The following FGGY variants were observed in gnomAD, a reference collection of about 807,000 sequenced individuals.
FGGY encodes FGGY carbohydrate kinase domain-containing protein.
In FGGY, 72 loss-of-function variants were observed where a neutral mutation model predicts 71.3. That is an observed-to-expected ratio of 1.01 (90% CI 0.84 to 1.23). The LOEUF is 1.23. FGGY is among the 50% of genes most tolerant of loss of function. The probability of loss-of-function intolerance (pLI) is 0.00; values close to 1 mark genes in which losing one functional copy is unlikely to be tolerated. For synonymous variants in FGGY, 251 were observed against 250.3 expected, an observed-to-expected ratio of 1.00 and a Z score of -0.02; for missense variants, 668 against 682.3, an observed-to-expected ratio of 0.98 and a Z score of 0.23.
chr1:59,578,296 C>G (rs2096120817), intron 8 of FGGY, among the ~76,000 whole-genome samples: 2 of 152,096 alleles, frequency 1.3e-5, no homozygotes, highest in Non-Finnish European at 2.9e-5. Flanking sequence ...TGTGGGCAGA[C>G]CACTGGACGG....
chr1:59,323,730 A>G (rs1165906255), intron 2 of FGGY, among the ~76,000 whole-genome samples: 1 of 152,226 alleles, frequency 6.6e-6, no homozygotes, highest in Non-Finnish European at 1.5e-5. Flanking sequence ...AAATGACATT[A>G]GTACCTACTT....
chr1:59,591,775 T>A (rs2096444932), intron 8 of FGGY, among the ~76,000 whole-genome samples: 1 of 152,190 alleles, frequency 6.6e-6, no homozygotes, highest in East Asian at 1.9e-4. Flanking sequence ...TTACACCTTA[T>A]ACAAAAGTTA....
At chr1:59,727,291 A>G (rs992461806) in intron 14 of FGGY, among the ~76,000 whole-genome samples, 3 of 152,176 alleles carry the variant, frequency 2.0e-5, no homozygotes, top group African/African-American at 7.2e-5. Context: ...CCAGTCCACC[A>G]TTGATGAACA....
At chr1:59,509,868 TA>T (rs988855652) in intron 6 of FGGY, among the ~76,000 whole-genome samples, 299 of 152,304 alleles carry the variant, frequency 2.0e-3, no homozygotes, top group African/African-American at 6.7e-3. Context: ...CCCACCCTGC[TA>T]ATCCTGTCTA....
intron 14 of FGGY, among the ~76,000 whole-genome samples, chr1:59,708,157 C>T (rs1189801749): frequency 6.6e-6 from 1 of 152,156 alleles, no homozygotes; most frequent in East Asian, 1.9e-4. Context: ...AGTCTTTGGG[C>T]TTCTCTAAAG....
At chr1:59,533,720 C>T (rs549510845) in intron 7 of FGGY, among the ~76,000 whole-genome samples, 10 of 151,884 alleles carry the variant, frequency 6.6e-5, no homozygotes, top group African/African-American at 2.2e-4. Flanking sequence ...CTGAGAGGCA[C>T]CCCCCAGCAG....
chr1:59,595,989 C>T (rs1041513603), intron 8 of FGGY, among the ~76,000 whole-genome samples: 9 of 152,102 alleles, frequency 5.9e-5, no homozygotes, highest in African/African-American at 1.9e-4. Context: ...GCCATCATTT[C>T]ATTTGTTTCT....
At chr1:59,400,784 A>C (rs1571644446) in intron 5 of FGGY, among the ~76,000 whole-genome samples, 1 of 151,474 alleles carries the variant, frequency 6.6e-6, no homozygotes. Context: ...TTTATTTTTT[A>C]TTTTTGAGAT....
intron 14 of FGGY, among the ~76,000 whole-genome samples, chr1:59,714,827 A>G (rs148294937): frequency 4.1e-4 from 63 of 152,242 alleles, no homozygotes; most frequent in African/African-American, 1.4e-3. Flanking sequence ...AGCATGAGTT[A>G]TTTTTCCTTT....
rs780674255 is a variant in FGGY, at chr1:59,321,662, A to G, written c.113A>G (p.Asp38Gly). 13 of 1,613,280 alleles carry G rather than the reference A, an allele frequency of 8.1e-6. No individual in the cohort carries two copies. Among genetic ancestry groups the G allele is most frequent in the East Asian group, 4.5e-5 (2 of 44,854 alleles). Reference sequence around the variant, plus strand: ...AGTGGGGTCCTGTTGGCTTTTGCAGACCAGCCAATTAAGAATTGGGAGCCC... The same window carrying G: ...AGTGGGGTCCTGTTGGCTTTTGCAGGCCAGCCAATTAAGAATTGGGAGCCC... ...DQSGVLLAFA[D>G]QPIKNWEPQF... Residue 38 changes from aspartate (D) to glycine (G), a missense_variant, in exon 2 of 16, where the codon GAC becomes GGC. Coordinates refer to ENST00000303721, the MANE Select transcript of FGGY (RefSeq NM_018291.5).
At chr1:59,365,744 T>C (rs568479871) in intron 4 of FGGY, among the ~76,000 whole-genome samples, 15 of 152,338 alleles carry the variant, frequency 9.8e-5, no homozygotes, top group East Asian at 1.9e-4. Flanking sequence ...TGAAGAATTA[T>C]ACAGGTCAGA....
At chr1:59,410,561 A>G (rs1254723036) in intron 5 of FGGY, among the ~76,000 whole-genome samples, 1 of 152,178 alleles carries the variant, frequency 6.6e-6, no homozygotes, top group South Asian at 2.1e-4. Context: ...TGATGATGGT[A>G]TAGGGATAGG....
chr1:59,532,124 T>C lies in FGGY; in HGVS notation c.799+19685T>C, dbSNP rs1403917220. Among the ~76,000 whole-genome samples, 11 of 152,296 alleles carry C rather than the reference T, an allele frequency of 7.2e-5. 1 individual carries two copies. In the South Asian group the frequency reaches 2.3e-3, roughly 32 times the overall value. On this transcript the variant is annotated intron_variant, in intron 7 of 15. Transcript: ENST00000303721. ...TGTGATTAATATGGTCAACAAATTA[T>C]AGGAGAAGATGGAGAATTCAGCAGA...
intron 10 of FGGY, among the ~76,000 whole-genome samples, chr1:59,634,435 T>TAG (rs2096937029): frequency 6.6e-6 from 1 of 152,000 alleles, no homozygotes; most frequent in South Asian, 2.1e-4. Context: ...AGTAAGGAAC[T>TAG]AGAGACAGGC....
intron 5 of FGGY, among the ~76,000 whole-genome samples, chr1:59,451,372 T>G (rs573733243): frequency 8.8e-6 from 1 of 113,348 alleles, no homozygotes; most frequent in African/African-American, 3.9e-5. Context: ...TTTTTTTTGT[T>G]GTTGTTTGTT....
chr1:59,363,313 T>C (rs558107520), intron 4 of FGGY, among the ~76,000 whole-genome samples: 1 of 152,332 alleles, frequency 6.6e-6, no homozygotes, highest in African/African-American at 2.4e-5. Flanking sequence ...CCCCTACTCT[T>C]TCCTGAAGAG....
intron 6 of FGGY, among the ~76,000 whole-genome samples, chr1:59,502,418 A>AGGCTAGGTG (rs1318122660): frequency 6.6e-6 from 1 of 152,220 alleles, no homozygotes; most frequent in Admixed American, 6.5e-5. Context: ...ATGTGGCCTT[A>AGGCTAGGTG]GGCTAGGTGA....
Position 59,457,049 on chromosome 1 carries a change from T to C in FGGY, c.643T>C (p.Phe215Leu). ...CTGGAAAATGATTGGTTTGGAAGAC[T>C]TTGTTGCAGATAATTACAGCAAAAT... The part of the protein sequence containing the change: ...SFWKMIGLED[F>L]VADNYSKIGN... The change falls in exon 6 of 16, where the codon TTT becomes CTT. Residue 215 changes from phenylalanine (F) to leucine (L), a missense_variant. Physicochemically the swap from Phe to Leu is conservative, Grantham distance 22 (BLOSUM62 0). Coordinates refer to ENST00000303721, the MANE Select transcript of FGGY (RefSeq NM_018291.5). 6.2e-7 allele frequency: 1 copy of C among 1,613,922 alleles called. No homozygotes were observed.
At chr1:59,751,762 G>A (rs547707777) in intron 14 of FGGY, among the ~76,000 whole-genome samples, 62 of 152,292 alleles carry the variant, frequency 4.1e-4, no homozygotes, top group African/African-American at 1.5e-3. Flanking sequence ...TGAGGAGCTA[G>A]TACTGAGTAA....
Sources: gnomAD v4.1 joint callset for allele counts (sites outside exome capture counted in the v4.1 genomes callset) on GRCh38, gnomAD v4.1.1 for gene constraint, MANE v1.5 for transcripts, NCBI Gene and HGNC (gene_info 2026-07-23, HGNC 2026-07-21) for gene names.